TMED3: variants seen among roughly 807,000 people sequenced by gnomAD.
The protein encoded by TMED3 is transmembrane emp24 domain-containing protein 3.
In TMED3, 9 loss-of-function variants were observed where a neutral mutation model predicts 15.0. That is an observed-to-expected ratio of 0.60 (90% CI 0.36 to 1.04). The LOEUF (loss-of-function observed/expected upper bound fraction) is 1.04. Among genes scored for constraint, TMED3 ranks in the 50% least tolerant of loss-of-function variants. The probability of loss-of-function intolerance (pLI) is 0.01; values close to 1 mark genes in which losing one functional copy is unlikely to be tolerated. For missense variants in TMED3, 267 were observed against 278.9 expected, an observed-to-expected ratio of 0.96 and a Z score of 0.30; for synonymous variants, 117 against 121.4, an observed-to-expected ratio of 0.96 and a Z score of 0.24.
At chr15:79,363,413 T>C (rs1386912660) in intron 2 of TMED3, among the ~76,000 whole-genome samples, 1 of 151,046 alleles carries the variant, frequency 6.6e-6, no homozygotes, top group Non-Finnish European at 1.5e-5. Flanking sequence ...TTGCATACTG[T>C]ATCACAAAGA....
chr15:79,398,654 T>C (rs1893794617), intron 2 of TMED3, among the ~76,000 whole-genome samples: 1 of 151,018 alleles, frequency 6.6e-6, no homozygotes, highest in Non-Finnish European at 1.5e-5. Flanking sequence ...CTCAAGGGAT[T>C]GGATGAGGCC....
At position 79,353,224 on chromosome 15, in the gene TMED3, C is replaced by CAT. The variant is rs1445960664; in HGVS notation, c.417+39221_417+39222dup. Among the ~76,000 whole-genome samples the CAT allele has an allele frequency of 9.0e-3, 641 of 71,414 alleles. 23 individuals are homozygous for CAT. Among genetic ancestry groups the CAT allele is most frequent in the African/African-American group, 0.036 (616 of 17,012 alleles). 46.9% of individuals were successfully genotyped at this position (71,414 alleles called of 152,430 possible). On this transcript the variant is annotated intron_variant, in intron 2 of 2. Transcript: ENST00000424155. ...TAAAATATATATTATATATATTATA[C>CAT]ATAATATATAAAATATATATACTAT...
At chr15:79,314,409 C>T (rs1041676121) in intron 2 of TMED3, 1 of 391,178 alleles carries the variant, frequency 2.6e-6, no homozygotes, top group African/African-American at 2.1e-5. Context: ...AAACACCAAA[C>T]ATCAATGGCT....
chr15:79,358,663 G>A (rs997683958), intron 2 of TMED3, among the ~76,000 whole-genome samples: 1 of 152,198 alleles, frequency 6.6e-6, no homozygotes, highest in African/African-American at 2.4e-5. Context: ...CCAGTTAACA[G>A]TATTTCCATC....
chr15:79,312,707 G>A (rs150485500), intron 1 of TMED3, among the ~76,000 whole-genome samples: 1 of 152,290 alleles, frequency 6.6e-6, no homozygotes, highest in African/African-American at 2.4e-5. Flanking sequence ...TGAACTAAAT[G>A]ATTCCCAAAG....
intron 2 of TMED3, among the ~76,000 whole-genome samples, chr15:79,396,154 A>G (rs1893761219): frequency 6.6e-6 from 1 of 152,204 alleles, no homozygotes; most frequent in Non-Finnish European, 1.5e-5. Flanking sequence ...CGTAACAATT[A>G]TCTTCTTTCT....
exon 3 of TMED3, chr15:79,413,574 T>G (rs1419175720): frequency 6.6e-6 from 1 of 152,278 alleles, no homozygotes. Flanking sequence ...AACCTTGGCC[T>G]TGTCCCAATT....
At chr15:79,329,943 A>G (rs2058801895) in intron 2 of TMED3, among the ~76,000 whole-genome samples, 1 of 152,258 alleles carries the variant, frequency 6.6e-6, no homozygotes, top group South Asian at 2.1e-4. Flanking sequence ...TAGAAATGCT[A>G]TATATGAAAA....
chr15:79,323,522 A>G (rs188879367), downstream of TMED3, among the ~76,000 whole-genome samples: 202 of 152,324 alleles, frequency 1.3e-3, no homozygotes, highest in Admixed American at 2.5e-3. Context: ...AAATATGTCT[A>G]AGGTGAAATA....
intron 2 of TMED3, among the ~76,000 whole-genome samples, chr15:79,391,443 A>G (rs1202612021): frequency 6.6e-6 from 1 of 152,176 alleles, no homozygotes; most frequent in African/African-American, 2.4e-5. Flanking sequence ...CATGCTTGAT[A>G]TAATTTCAAT....
downstream of TMED3, among the ~76,000 whole-genome samples, chr15:79,327,798 C>G (rs1191277141): frequency 6.6e-6 from 1 of 152,166 alleles, no homozygotes; most frequent in Non-Finnish European, 1.5e-5. Flanking sequence ...TTGCTTCTCC[C>G]TGGAGTTTCA....
intron 2 of TMED3, among the ~76,000 whole-genome samples, chr15:79,333,818 T>C (rs1416942886): frequency 6.6e-6 from 1 of 152,132 alleles, no homozygotes; most frequent in African/African-American, 2.4e-5. Flanking sequence ...AGTCCTCAAA[T>C]GACAATATAA....
chr15:79,339,663 A>G (rs1041334237), intron 2 of TMED3, among the ~76,000 whole-genome samples: 1 of 152,008 alleles, frequency 6.6e-6, no homozygotes, highest in African/African-American at 2.4e-5. Flanking sequence ...TGGTGATGAC[A>G]GAGGAGTGGT....
intron 2 of TMED3, among the ~76,000 whole-genome samples, chr15:79,351,549 G>T (rs1054723538): frequency 2.0e-5 from 3 of 151,960 alleles, no homozygotes; most frequent in Non-Finnish European, 4.4e-5. Flanking sequence ...CCTTTTTATG[G>T]CCATAATACA....
chr15:79,378,537 C>G (rs1431413216), intron 2 of TMED3, among the ~76,000 whole-genome samples: 3 of 152,126 alleles, frequency 2.0e-5, no homozygotes, highest in Non-Finnish European at 2.9e-5. Context: ...CCTGGAAGTT[C>G]CACCCACTGT....
At chr15:79,399,618 C>A (rs753777226) in intron 2 of TMED3, among the ~76,000 whole-genome samples, 1 of 152,056 alleles carries the variant, frequency 6.6e-6, no homozygotes, top group Non-Finnish European at 1.5e-5. Flanking sequence ...GTCCTTTATC[C>A]GGCCTGTAAT....
intron 2 of TMED3, among the ~76,000 whole-genome samples, chr15:79,371,519 GA>G (rs746965699): frequency 5.3e-5 from 8 of 152,190 alleles, no homozygotes; most frequent in Non-Finnish European, 1.0e-4. Flanking sequence ...GAGAATGGGA[GA>G]AATTTCTCAA....
intron 2 of TMED3, among the ~76,000 whole-genome samples, chr15:79,370,345 C>A (rs73473799): frequency 0.033 from 4,908 of 149,926 alleles, 263 homozygotes; most frequent in African/African-American, 0.11. Flanking sequence ...GGAGCAGCCC[C>A]TGATGACTGT....
chr15:79,377,835 A>G (rs368334551), intron 2 of TMED3, among the ~76,000 whole-genome samples: 1,569 of 152,120 alleles, frequency 0.01, 15 homozygotes, highest in African/African-American at 0.036. Flanking sequence ...TTTAGTAGAG[A>G]CGGGGTTTCA....
Sources: allele counts gnomAD v4.1 joint callset (sites outside exome capture counted in the v4.1 genomes callset), GRCh38; gene constraint gnomAD v4.1.1; transcripts MANE v1.5; gene names NCBI Gene and HGNC (gene_info 2026-07-23, HGNC 2026-07-21).